The following CNTNAP2 variants were observed in gnomAD, a reference collection of about 807,000 sequenced individuals.
The protein encoded by CNTNAP2 is contactin-associated protein-like 2.
Under a neutral mutation model 155.2 loss-of-function variants are expected in CNTNAP2, and 98 were observed. The ratio of observed to expected loss-of-function variants is 0.63; its 90% confidence interval spans 0.54 to 0.75. CNTNAP2 has a LOEUF of 0.75. Among genes scored for constraint, CNTNAP2 ranks in the 30% least tolerant of loss-of-function variants. The probability of loss-of-function intolerance (pLI) is 0.00; values close to 1 mark genes in which losing one functional copy is unlikely to be tolerated. For missense variants in CNTNAP2, 1,727 were observed against 1,688.1 expected (o/e 1.02, Z -0.40); for synonymous variants, 651 against 631.2 (o/e 1.03, Z -0.47).
chr7:147,784,798 G>T (rs914013924), intron 13 of CNTNAP2, among the ~76,000 whole-genome samples: 2 of 151,676 alleles, frequency 1.3e-5, no homozygotes, highest in African/African-American at 2.4e-5. Flanking sequence ...GAAGACAGCT[G>T]GGAGCTGGCA....
intron 1 of CNTNAP2, among the ~76,000 whole-genome samples, chr7:146,449,100 C>T (rs143602093): frequency 1.1e-3 from 168 of 152,244 alleles, no homozygotes; most frequent in African/African-American, 3.8e-3. Context: ...CTGCCCTATA[C>T]ATTCTACTGT....
chr7:147,430,782 G>A (rs1337023208), intron 10 of CNTNAP2, among the ~76,000 whole-genome samples: 3 of 152,048 alleles, frequency 2.0e-5, no homozygotes, highest in Non-Finnish European at 4.4e-5. Context: ...TGGGTTGAAG[G>A]AGCCGGGCAC....
At chr7:147,254,812 C>T (rs935575405) in intron 8 of CNTNAP2, among the ~76,000 whole-genome samples, 11 of 152,136 alleles carry the variant, frequency 7.2e-5, no homozygotes, top group African/African-American at 2.4e-4. Context: ...TGAATTGAAA[C>T]GCTGTAATCT....
chr7:147,758,744 C>A (rs1481807894), intron 13 of CNTNAP2, among the ~76,000 whole-genome samples: 3 of 152,048 alleles, frequency 2.0e-5, no homozygotes, highest in African/African-American at 7.3e-5. Flanking sequence ...ACTTGCGGGG[C>A]TGAGGTGAGA....
At chr7:148,209,493 T>C (rs1795507437) in intron 18 of CNTNAP2, among the ~76,000 whole-genome samples, 1 of 151,974 alleles carries the variant, frequency 6.6e-6, no homozygotes, top group African/African-American at 2.4e-5. Flanking sequence ...TGCCTCTGTG[T>C]TCCCATAATC....
intron 13 of CNTNAP2, among the ~76,000 whole-genome samples, chr7:147,836,768 G>C (rs990912992): frequency 1.3e-5 from 2 of 152,184 alleles, no homozygotes; most frequent in African/African-American, 2.4e-5. Context: ...GAAAATAAGT[G>C]AGTGATAGTA....
chr7:147,615,425 A>G (rs189949368), intron 12 of CNTNAP2, among the ~76,000 whole-genome samples: 15 of 144,076 alleles, frequency 1.0e-4, no homozygotes, highest in Non-Finnish European at 1.7e-4. Context: ...CATAGTGAGA[A>G]CCTGTCTCAA....
intron 20 of CNTNAP2, among the ~76,000 whole-genome samples, chr7:148,260,115 G>A (rs994858763): frequency 6.6e-6 from 1 of 152,158 alleles, no homozygotes. Flanking sequence ...CTGGCAATAC[G>A]AGTGAAATCA....
At chr7:146,168,810 C>T (rs1798349399) in intron 1 of CNTNAP2, among the ~76,000 whole-genome samples, 3 of 152,146 alleles carry the variant, frequency 2.0e-5, no homozygotes, top group Admixed American at 2.0e-4. Context: ...AGAATGACCC[C>T]TTAAGTAAAA....
chr7:148,361,375 A>G (rs1357577319), intron 21 of CNTNAP2, among the ~76,000 whole-genome samples: 12 of 152,146 alleles, frequency 7.9e-5, no homozygotes, highest in Admixed American at 7.9e-4. Flanking sequence ...CTGTCATAAC[A>G]AAGTACCACA....
At chr7:146,323,627 T>C (rs1801043609) in intron 1 of CNTNAP2, among the ~76,000 whole-genome samples, 1 of 152,154 alleles carries the variant, frequency 6.6e-6, no homozygotes, top group Admixed American at 6.5e-5. Flanking sequence ...ATAATATGGA[T>C]CTATGATAGG....
chr7:147,754,406 A>C (rs1301302864), intron 13 of CNTNAP2, among the ~76,000 whole-genome samples: 2 of 152,200 alleles, frequency 1.3e-5, no homozygotes, highest in Non-Finnish European at 2.9e-5. Flanking sequence ...TGAAGTTTTC[A>C]AACAGGAGAA....
chr7:146,393,391 C>T (rs764113564), intron 1 of CNTNAP2, among the ~76,000 whole-genome samples: 9 of 152,090 alleles, frequency 5.9e-5, no homozygotes, highest in Admixed American at 1.3e-4. Context: ...ATACTAGTTT[C>T]GGGAAATTTT....
chr7:147,841,759 T>C (rs1206057995), intron 13 of CNTNAP2, among the ~76,000 whole-genome samples: 1 of 152,216 alleles, frequency 6.6e-6, no homozygotes, highest in Non-Finnish European at 1.5e-5. Flanking sequence ...GCAAAAATAG[T>C]ATTTATACAT....
chr7:147,269,498 GC>G (rs1804691394), intron 8 of CNTNAP2, among the ~76,000 whole-genome samples: 1 of 152,148 alleles, frequency 6.6e-6, no homozygotes, highest in Non-Finnish European at 1.5e-5. Flanking sequence ...AAATACATGT[GC>G]AACCGACTGC....
At chr7:147,386,714 A>G (rs1359297397) in intron 9 of CNTNAP2, among the ~76,000 whole-genome samples, 8 of 152,012 alleles carry the variant, frequency 5.3e-5, no homozygotes, top group Admixed American at 1.3e-4. Flanking sequence ...ACATTTTCCT[A>G]TCTTCTTCTG....
At chr7:146,256,250 C>A (rs949695299) in intron 1 of CNTNAP2, among the ~76,000 whole-genome samples, 1 of 152,060 alleles carries the variant, frequency 6.6e-6, no homozygotes, top group African/African-American at 2.4e-5. Context: ...GTTTCTATTT[C>A]ATTAAATGTT....
intron 14 of CNTNAP2, among the ~76,000 whole-genome samples, chr7:147,962,681 T>A (rs1801134891): frequency 6.6e-6 from 1 of 152,236 alleles, no homozygotes; most frequent in African/African-American, 2.4e-5. Context: ...ATATTGACAA[T>A]TTCACATGGT....
chr7:146,310,222 A>G (rs761632300), intron 1 of CNTNAP2, among the ~76,000 whole-genome samples: 1 of 152,232 alleles, frequency 6.6e-6, no homozygotes, highest in Non-Finnish European at 1.5e-5. Context: ...CATAGTTAGT[A>G]TGATAAATGC....
Sources: gnomAD v4.1 joint callset for allele counts (sites outside exome capture counted in the v4.1 genomes callset) on GRCh38, gnomAD v4.1.1 for gene constraint, MANE v1.5 for transcripts, NCBI Gene and HGNC (gene_info 2026-07-23, HGNC 2026-07-21) for gene names.